The following DLG2 variants were observed in gnomAD, a reference collection of about 807,000 sequenced individuals.
The protein encoded by DLG2 is disks large homolog 2.
DLG2 carries 45 observed loss-of-function variants against 132.5 expected under a neutral mutation model. The ratio of observed to expected loss-of-function variants is 0.34; its 90% CI spans 0.27 to 0.44. The LOEUF (loss-of-function observed/expected upper bound fraction) is 0.44. DLG2 is among the 20% of genes least tolerant of loss of function. The probability of loss-of-function intolerance (pLI) is 1.00; values close to 1 mark genes in which losing one functional copy is unlikely to be tolerated. For missense variants in DLG2, 1,045 were observed against 1,196.9 expected, an observed-to-expected ratio of 0.87 and a Z score of 1.87; for synonymous variants, 424 against 419.6, an observed-to-expected ratio of 1.01 and a Z score of -0.13.
intron 8 of DLG2, among the ~76,000 whole-genome samples, chr11:84,167,670 A>T (rs1487823697): frequency 1.4e-5 from 2 of 148,048 alleles, no homozygotes; most frequent in Admixed American, 6.8e-5. Context: ...AAAATGAATA[A>T]TTTTTTTTTT....
intron 7 of DLG2, among the ~76,000 whole-genome samples, chr11:84,407,836 A>C (rs953425607): frequency 2.0e-5 from 3 of 152,238 alleles, no homozygotes; most frequent in Non-Finnish European, 4.4e-5. Flanking sequence ...TGTCACAGTC[A>C]AGAACTGTCC....
intron 6 of DLG2, among the ~76,000 whole-genome samples, chr11:84,990,919 A>T (rs527708169): frequency 1.1e-4 from 17 of 152,272 alleles, no homozygotes; most frequent in Admixed American, 9.2e-4. Context: ...AAACCTGTAT[A>T]TGACTACTGA....
At chr11:84,048,764 T>A (rs2096290407) in intron 11 of DLG2, among the ~76,000 whole-genome samples, 2 of 151,604 alleles carry the variant, frequency 1.3e-5, no homozygotes, top group South Asian at 4.1e-4. Flanking sequence ...GAATTTCAGA[T>A]AACTAATACC....
At chr11:83,535,186 T>A (rs10898134) in intron 20 of DLG2, among the ~76,000 whole-genome samples, 3 of 152,088 alleles carry the variant, frequency 2.0e-5, no homozygotes, top group African/African-American at 7.2e-5. Context: ...CTTTGTATTC[T>A]TCTAAAACTG....
chr11:83,679,586 T>G (rs1411404536), intron 18 of DLG2, among the ~76,000 whole-genome samples: 1 of 152,192 alleles, frequency 6.6e-6, no homozygotes. Flanking sequence ...TTATAAGAAG[T>G]CTATCTGGTT....
At chr11:85,305,415 C>T (rs1422575175) in intron 3 of DLG2, among the ~76,000 whole-genome samples, 1 of 152,164 alleles carries the variant, frequency 6.6e-6, no homozygotes, top group Non-Finnish European at 1.5e-5. Context: ...TAAACACAAG[C>T]GCAACTACAG....
chr11:83,595,935 G>C (rs2057505181), intron 19 of DLG2, among the ~76,000 whole-genome samples: 3 of 152,100 alleles, frequency 2.0e-5, no homozygotes, highest in Admixed American at 6.5e-5. Context: ...ATGTTACCCA[G>C]ATGCAAATAA....
At chr11:83,918,673 G>A (rs1457218439) in intron 15 of DLG2, among the ~76,000 whole-genome samples, 4 of 152,132 alleles carry the variant, frequency 2.6e-5, no homozygotes, top group Non-Finnish European at 5.9e-5. Context: ...CAGGAACAGA[G>A]CTGCTGTGGA....
chr11:85,580,038 C>T (rs2078413564), intron 3 of DLG2, among the ~76,000 whole-genome samples: 1 of 152,044 alleles, frequency 6.6e-6, no homozygotes, highest in South Asian at 2.1e-4. Flanking sequence ...TCATGATGTT[C>T]TCATGATAGT....
chr11:84,651,611 G>A (rs779874646), intron 6 of DLG2, among the ~76,000 whole-genome samples: 2 of 152,176 alleles, frequency 1.3e-5, no homozygotes, highest in Non-Finnish European at 2.9e-5. Flanking sequence ...CCAAAATCAG[G>A]TGAAGCCATT....
intron 6 of DLG2, among the ~76,000 whole-genome samples, chr11:84,942,936 T>C (rs1329673914): frequency 6.6e-6 from 1 of 152,190 alleles, no homozygotes; most frequent in Non-Finnish European, 1.5e-5. Context: ...AATTACTATA[T>C]CCTCTTGCTG....
chr11:85,039,872 A>T (rs1450048339), intron 6 of DLG2, among the ~76,000 whole-genome samples: 3 of 151,910 alleles, frequency 2.0e-5, no homozygotes, highest in Non-Finnish European at 4.4e-5. Flanking sequence ...TGGTTGAATG[A>T]ATGAATTTCC....
chr11:85,122,840 ACACACACATAAATG>A (rs958362760), intron 5 of DLG2, among the ~76,000 whole-genome samples: 4 of 149,548 alleles, frequency 2.7e-5, no homozygotes, highest in Non-Finnish European at 5.9e-5. Flanking sequence ...ATATATACAC[ACACACACATAAATG>A]CACACACATA....
intron 11 of DLG2, among the ~76,000 whole-genome samples, chr11:84,031,442 T>C (rs1422232416): frequency 6.6e-6 from 1 of 152,168 alleles, no homozygotes; most frequent in African/African-American, 2.4e-5. Flanking sequence ...GATTTTATTA[T>C]AATAAATGAT....
At chr11:85,333,655 C>T (rs190217865) in intron 3 of DLG2, among the ~76,000 whole-genome samples, 7 of 152,178 alleles carry the variant, frequency 4.6e-5, no homozygotes, top group Admixed American at 1.3e-4. Flanking sequence ...TCAATTTTAT[C>T]GAAAGCTTTT....
chr11:83,461,758 C>T, intron 27 of DLG2: 1 of 461,050 alleles, frequency 2.2e-6, no homozygotes, highest in Non-Finnish European at 3.9e-6. Context: ...TATCTCCTGC[C>T]CATGGTTTTG....
chr11:84,035,030 C>T (rs1416485637), intron 11 of DLG2, among the ~76,000 whole-genome samples: 1 of 152,066 alleles, frequency 6.6e-6, no homozygotes, highest in African/African-American at 2.4e-5. Context: ...AGAACAAGAC[C>T]TTTCCAACCT....
chr11:84,041,725 A>G (rs192643366), intron 11 of DLG2, among the ~76,000 whole-genome samples: 11 of 152,060 alleles, frequency 7.2e-5, no homozygotes, highest in Non-Finnish European at 1.2e-4. Flanking sequence ...ATAAACATTT[A>G]TATTTAAATA....
intron 18 of DLG2, chr11:83,725,156 G>A: frequency 4.4e-6 from 2 of 458,982 alleles, no homozygotes; most frequent in Non-Finnish European, 7.9e-6. Context: ...CCAGATGTTG[G>A]CTATCTCACT....
Sources: gnomAD v4.1 joint callset for allele counts (sites outside exome capture counted in the v4.1 genomes callset) on GRCh38, gnomAD v4.1.1 for gene constraint, MANE v1.5 for transcripts, NCBI Gene and HGNC (gene_info 2026-07-23, HGNC 2026-07-21) for gene names.